The following RBMX variants were observed in gnomAD, a reference collection of about 807,000 sequenced individuals.
RBMX encodes RNA-binding motif protein, X chromosome.
Under a neutral mutation model 29.3 loss-of-function variants are expected in RBMX, and 1 was observed. That is an observed-to-expected ratio of 0.03 (90% confidence interval 0.01 to 0.16). The LOEUF (loss-of-function observed/expected upper bound fraction) is 0.16, where lower values mean the gene tolerates loss of function less well. RBMX is among the 10% of genes least tolerant of loss of function. RBMX has a pLI of 1.00. For missense variants in RBMX, 121 were observed against 333.2 expected, an observed-to-expected ratio of 0.36 and a Z score of 4.96; for synonymous variants, 102 against 102.3, an observed-to-expected ratio of 1.00 and a Z score of 0.02.
rs767400070 is a variant in RBMX, at chrX:136,875,695, G to A, written c.542-110C>T. 1.1e-4 allele frequency: 110 copies of A among 1,002,555 alleles called. 1 individual carries two copies. Among genetic ancestry groups the A allele is most frequent in the East Asian group, 2.9e-4 (9 of 30,870 alleles). The allele number at this position is 1,002,555 out of a possible 1,213,427, so 82.6% of individuals were successfully genotyped here. ...AGACTGACTTCAAAGATGACATTAC[G>A]GAGGCTAGATCACCTAATTTTATTT... On this transcript the variant is annotated intron_variant, in intron 5 of 8. Coordinates refer to ENST00000320676, the MANE Select transcript of RBMX (RefSeq NM_002139.4).
chrX:136,878,120 A>T (rs755302186), intron 3 of RBMX, 34 bp from the exon 4 acceptor site: 3 of 1,102,182 alleles, frequency 2.7e-6, no homozygotes, highest in Non-Finnish European at 3.6e-6. Context: ...TTAAATCAAG[A>T]TTTAAAAATA....
intron 5 of RBMX, 127 bp downstream of exon 5, chrX:136,876,376 C>G (rs2077729689): frequency 1.3e-5 from 9 of 719,678 alleles, no homozygotes; most frequent in Admixed American, 4.0e-5. Flanking sequence ...TCTGCCGCGG[C>G]CTCCCAAAGT....
At chrX:136,878,245 A>C (rs1415991819) in intron 3 of RBMX, among the ~76,000 whole-genome samples, 159 bp from the exon 4 acceptor site, 1 of 111,599 alleles carries the variant, frequency 9.0e-6, no homozygotes, top group Non-Finnish European at 1.9e-5. Context: ...GTTTACATAA[A>C]TGGGGCTTTT....
intron 5 of RBMX, among the ~76,000 whole-genome samples, chrX:136,876,193 G>A (rs1444350537): frequency 1.0e-5 from 1 of 96,117 alleles, no homozygotes; most frequent in Admixed American, 1.2e-4. Context: ...GCATGATCTC[G>A]GTTCCCTGCA....
intron 5 of RBMX, among the ~76,000 whole-genome samples, chrX:136,876,098 A>G (rs1390982529): frequency 2.1e-5 from 2 of 95,416 alleles, no homozygotes; most frequent in Non-Finnish European, 4.2e-5. Context: ...CCGCACCCAG[A>G]CTCCATGAAT....
In RBMX at chrX:136,875,401, T is replaced by C. The variant is rs759695454; in HGVS notation, c.657-18A>G. On this transcript the variant is annotated intron_variant, in intron 6 of 8. Transcript: ENST00000320676. ...TTGAATAGCTACAAAGCAAAAGTTTTGGTTTATGCTTTTGATAAGCTTTCC... is the reference window on the plus strand; with the variant it reads ...TTGAATAGCTACAAAGCAAAAGTTTCGGTTTATGCTTTTGATAAGCTTTCC... The C allele has an allele frequency of 2.5e-6, 3 of 1,206,667 alleles. No homozygotes were observed. Among genetic ancestry groups the C allele is most frequent in the South Asian group, 1.8e-5 (1 of 55,785 alleles).
chrX:136,876,496 C>T lies in RBMX; in HGVS notation c.541+7G>A. 1 of 1,168,639 alleles carries T rather than the reference C, an allele frequency of 8.6e-7. No homozygotes were observed. Among genetic ancestry groups the T allele is most frequent in the Non-Finnish European group, 1.1e-6 (1 of 877,606 alleles). On this transcript the variant is annotated splice_region_variant and intron_variant, in intron 5 of 8. Coordinates refer to ENST00000320676, the MANE Select transcript of RBMX (RefSeq NM_002139.4). Reference sequence around the variant, plus strand: ...GTAGCATAAATCATCATACATGGAACATTTACCTCTTCCTCCCATTCCACT... The same window carrying T: ...GTAGCATAAATCATCATACATGGAATATTTACCTCTTCCTCCCATTCCACT...
chrX:136,872,382 C>T (rs1161861394), downstream of RBMX: 2 of 1,127,520 alleles, frequency 1.8e-6, no homozygotes, highest in East Asian at 3.3e-5. Flanking sequence ...AGTTATCTCT[C>T]TTAAGGAAAT....
At chrX:136,875,974 G>GT (rs2077723808) in intron 5 of RBMX, among the ~76,000 whole-genome samples, 1 of 109,051 alleles carries the variant, frequency 9.2e-6, no homozygotes, top group Non-Finnish European at 1.9e-5. Context: ...GCTAACTTTT[G>GT]TATCTTTAGT....
intron 8 of RBMX, 36 bp downstream of exon 8, chrX:136,875,044 ACTCAAG>A: frequency 8.3e-7 from 1 of 1,202,254 alleles, no homozygotes; most frequent in Non-Finnish European, 1.1e-6. Context: ...GAACCTAAAA[ACTCAAG>A]CTGGTGATAC....
chrX:136,870,965 A>G (rs2148708752), downstream of RBMX, among the ~76,000 whole-genome samples: 1 of 107,024 alleles, frequency 9.3e-6, no homozygotes, highest in Non-Finnish European at 1.9e-5. Flanking sequence ...TAATAATAAT[A>G]ATAACCGACA....
At chrX:136,875,721 T>C (rs1303291299) in intron 5 of RBMX, 136 bp from the exon 6 acceptor site, 4 of 892,912 alleles carry the variant, frequency 4.5e-6, no homozygotes, top group Non-Finnish European at 6.0e-6. Context: ...AATTTTATTT[T>C]CTACAATTTC....
chrX:136,874,567 G>C (rs1234121879), intron 8 of RBMX, 115 bp from the exon 9 acceptor site: 23 of 944,061 alleles, frequency 2.4e-5, no homozygotes, highest in Non-Finnish European at 2.9e-6. Flanking sequence ...AACTGGGTGG[G>C]AGGTTTTAAA....
In RBMX at chrX:136,875,381, T is replaced by C; in HGVS notation, c.659A>G (p.Tyr220Cys). The C allele has an allele frequency of 8.3e-7, 1 of 1,209,229 alleles. No homozygotes were observed. The highest frequency in any genetic ancestry group is 1.1e-6 in the Non-Finnish European group (1 of 894,355). The change falls in exon 7 of 9, where the codon TAT becomes TGT. Residue 220 changes from tyrosine (Y) to cysteine (C), a missense_variant and splice_region_variant. This residue lies in a region of RBMX where 114 missense variants were observed against 260.0 expected (regional missense o/e 0.44). Coordinates refer to ENST00000320676, the MANE Select transcript of RBMX (RefSeq NM_002139.4). The part of the protein sequence containing the change: ...RDDGYSTKDS[Y>C]SSRDYPSSRD... ...AGAACTTGGGTAATCTCTGCTTGAA[T>C]AGCTACAAAGCAAAAGTTTTGGTTT...
chrX:136,879,480 A>T (rs770572077), intron 1 of RBMX, 27 bp from the exon 2 acceptor site: 1 of 1,116,703 alleles, frequency 9.0e-7, no homozygotes, highest in Admixed American at 2.7e-5. Flanking sequence ...GTATTACCTC[A>T]CTGCAAAAAG....
At chrX:136,876,690 T>G in intron 4 of RBMX, 35 bp from the exon 5 acceptor site, 1 of 959,362 alleles carries the variant, frequency 1.0e-6, no homozygotes, top group Non-Finnish European at 1.4e-6. Context: ...ATATTACTAC[T>G]CACAAGAATC....
chrX:136,873,412 G>A, downstream of RBMX: 1 of 747,408 alleles, frequency 1.3e-6, no homozygotes, highest in African/African-American at 2.3e-5. Flanking sequence ...ACACTACAGA[G>A]TTGCAAAAAT....
At chrX:136,876,391 G>A in intron 5 of RBMX, 112 bp downstream of exon 5, 6 of 881,174 alleles carry the variant, frequency 6.8e-6, no homozygotes, top group Middle Eastern at 4.8e-4. Context: ...CAAAGTGCTA[G>A]GATTACGGGC....
At chrX:136,879,815 A>G (rs1034944503) in intron 1 of RBMX, among the ~76,000 whole-genome samples, 1 of 111,412 alleles carries the variant, frequency 9.0e-6, no homozygotes, top group African/African-American at 3.3e-5. Context: ...GATGGTTTTA[A>G]AAGACTCCCA....
Sources: allele counts gnomAD v4.1 joint callset (sites outside exome capture counted in the v4.1 genomes callset), GRCh38; gene constraint gnomAD v4.1.1; regional missense constraint gnomAD v4.1.1; transcripts MANE v1.5; gene names NCBI Gene and HGNC (gene_info 2026-07-23, HGNC 2026-07-21).